The following COLQ variants were observed in gnomAD, a reference collection of about 807,000 sequenced individuals.
The protein encoded by COLQ is collagen like tail subunit of asymmetric acetylcholinesterase, also known as acetylcholinesterase collagenic tail peptide.
A neutral mutation model predicts 69.0 loss-of-function variants in COLQ; 48 were observed. That is an observed-to-expected ratio of 0.70 (90% CI 0.55 to 0.88). The LOEUF (loss-of-function observed/expected upper bound fraction) is 0.88. Ranked by LOEUF, COLQ falls within the 40% of genes least tolerant of loss-of-function variation. COLQ has a pLI of 0.00. For synonymous variants in COLQ, 217 were observed against 211.2 expected, an observed-to-expected ratio of 1.03 and a Z score of -0.24; for missense variants, 618 against 594.6, an observed-to-expected ratio of 1.04 and a Z score of -0.41.
At chr3:15,468,053 T>A (rs1174394819) in intron 11 of COLQ, 1 of 439,112 alleles carries the variant, frequency 2.3e-6, no homozygotes, top group Non-Finnish European at 4.6e-6. Context: ...CATCTTAATA[T>A]AGCCACAGTT....
At chr3:15,466,602 A>G (rs2062204362) in intron 11 of COLQ, among the ~76,000 whole-genome samples, 165 bp from the exon 12 acceptor site, 1 of 152,246 alleles carries the variant, frequency 6.6e-6, no homozygotes, top group Non-Finnish European at 1.5e-5. Context: ...GCTTAGGGCA[A>G]GTGACATTTG....
At chr3:15,455,419 CAGCCCACG>C (rs2062010226) in intron 15 of COLQ, among the ~76,000 whole-genome samples, 1 of 152,240 alleles carries the variant, frequency 6.6e-6, no homozygotes, top group African/African-American at 2.4e-5. Context: ...GTTAAGGCAG[CAGCCCACG>C]AGGCTGACAG....
At chr3:15,472,180 C>A (rs1391549253) in intron 10 of COLQ, among the ~76,000 whole-genome samples, 2 of 152,148 alleles carry the variant, frequency 1.3e-5, no homozygotes, top group Non-Finnish European at 2.9e-5. Context: ...AGAGAAGCTG[C>A]CATACTTAAT....
Position 15,521,617 on chromosome 3 carries a change from G to C in COLQ, c.9C>G (p.Val3=). ...AAATTCCCAAAGTCATTGGATTCAG[G>C]ACAACCATGCTGGCCAGGGTCTGGC... MV[V]LNPMTLGIYL... Residue 3 remains valine (V), a synonymous_variant, in exon 1 of 17, where the codon GTC becomes GTG. Transcript: ENST00000383788. 1 of 1,614,122 alleles carries C rather than the reference G, an allele frequency of 6.2e-7. No individual in the cohort carries two copies. Among genetic ancestry groups the C allele is most frequent in the Non-Finnish European group, 8.5e-7 (1 of 1,180,034 alleles).
intron 1 of COLQ, among the ~76,000 whole-genome samples, chr3:15,490,900 G>T (rs2062655088): frequency 6.6e-6 from 1 of 152,200 alleles, no homozygotes; most frequent in Admixed American, 6.5e-5. Context: ...AGAAAAGTGG[G>T]TGCATTCAGA....
intron 1 of COLQ, among the ~76,000 whole-genome samples, chr3:15,504,275 A>AG (rs1379335449): frequency 6.6e-6 from 1 of 152,228 alleles, no homozygotes; most frequent in Non-Finnish European, 1.5e-5. Context: ...AAAGTACCAC[A>AG]GACTGAATGG....
At chr3:15,460,058 C>T (rs1220718330) in intron 12 of COLQ, among the ~76,000 whole-genome samples, 1 of 152,132 alleles carries the variant, frequency 6.6e-6, no homozygotes, top group East Asian at 1.9e-4. Context: ...AATCCTCAGA[C>T]TCTGTCATGT....
chr3:15,512,152 G>A (rs1020090512), intron 1 of COLQ, among the ~76,000 whole-genome samples: 1 of 152,192 alleles, frequency 6.6e-6, no homozygotes, highest in Non-Finnish European at 1.5e-5. Context: ...CTCAAAGAAG[G>A]AAGAGGAGAG....
chr3:15,474,151 G>C (rs908406257), intron 9 of COLQ, 77 bp downstream of exon 9: 3 of 1,595,292 alleles, frequency 1.9e-6, no homozygotes, highest in African/African-American at 1.3e-5. Context: ...TCCATCATCA[G>C]TCCACGGATG....
intron 1 of COLQ, among the ~76,000 whole-genome samples, chr3:15,519,417 C>A (rs554247220): frequency 1.6e-4 from 24 of 152,346 alleles, no homozygotes; most frequent in African/African-American, 5.5e-4. Context: ...CCTTCACTTT[C>A]TCCCTGCTTT....
At chr3:15,478,939 AC>A in intron 5 of COLQ, 37 bp downstream of exon 5, 1 of 1,613,672 alleles carries the variant, frequency 6.2e-7, no homozygotes, top group South Asian at 1.1e-5. Context: ...TGAAGCACAG[AC>A]GCTCATGTGA....
chr3:15,513,389 A>T (rs1318756961), intron 1 of COLQ, among the ~76,000 whole-genome samples: 1 of 152,124 alleles, frequency 6.6e-6, no homozygotes, highest in Non-Finnish European at 1.5e-5. Context: ...TCAGCTTCCC[A>T]CTACAGAGTC....
intron 11 of COLQ, chr3:15,467,806 C>A (rs1183436075): frequency 8.8e-6 from 4 of 452,706 alleles, no homozygotes; most frequent in Non-Finnish European, 1.8e-5. Flanking sequence ...GGGGAGCAGG[C>A]AGGCTTGGGA....
At chr3:15,478,220 G>A (rs1157821577) in intron 5 of COLQ, among the ~76,000 whole-genome samples, 1 of 152,198 alleles carries the variant, frequency 6.6e-6, no homozygotes, top group Non-Finnish European at 1.5e-5. Context: ...CAGCCACTGT[G>A]CCTTGGCTAT....
chr3:15,461,495 C>G (rs938758456), intron 12 of COLQ, among the ~76,000 whole-genome samples: 12 of 152,186 alleles, frequency 7.9e-5, no homozygotes, highest in African/African-American at 2.4e-4. Context: ...GTTTCATCGC[C>G]ACCCCCTGCA....
At position 15,497,195 on chromosome 3, in the gene COLQ, C is replaced by T. The variant is rs531110040; in HGVS notation, c.107-7558G>A. 2.0e-5 allele frequency among the ~76,000 whole-genome samples: 3 copies of T among 152,190 alleles called. No homozygotes were observed. The East Asian group carries it at 5.8e-4, about 29-fold the overall frequency. On this transcript the variant is annotated intron_variant, in intron 1 of 16. Coordinates refer to ENST00000383788, the MANE Select transcript of COLQ (RefSeq NM_005677.4). ...AGCAGCTGGGATTACAGGCGAGTGC[C>T]ACCATGCCTGGCTAATTTTTGTATT...
At chr3:15,482,020 G>A (rs2062494660) in intron 3 of COLQ, among the ~76,000 whole-genome samples, 1 of 152,160 alleles carries the variant, frequency 6.6e-6, no homozygotes. Context: ...CTGTTTGTCT[G>A]TTATTGGTGT....
intron 16 of COLQ, among the ~76,000 whole-genome samples, chr3:15,453,148 T>C (rs1260630063): frequency 6.6e-6 from 1 of 152,182 alleles, no homozygotes; most frequent in Non-Finnish European, 1.5e-5. Flanking sequence ...AGCCCAGTGG[T>C]TACAATCTGG....
chr3:15,516,773 A>G (rs1393756305), intron 1 of COLQ, among the ~76,000 whole-genome samples: 3 of 152,250 alleles, frequency 2.0e-5, no homozygotes, highest in African/African-American at 7.2e-5. Flanking sequence ...AGTCATGCAC[A>G]CTTTAATATA....
Sources: gnomAD v4.1 joint callset for allele counts (sites outside exome capture counted in the v4.1 genomes callset) on GRCh38, gnomAD v4.1.1 for gene constraint, MANE v1.5 for transcripts, NCBI Gene and HGNC (gene_info 2026-07-23, HGNC 2026-07-21) for gene names.